Variants in PRIM2 observed in about 807,000 individuals in gnomAD.
PRIM2 encodes DNA primase large subunit.
PRIM2 carries 39 observed loss-of-function variants against 67.3 expected under a neutral mutation model. The ratio of observed to expected loss-of-function variants is 0.58; its 90% CI spans 0.45 to 0.76. PRIM2 has a LOEUF of 0.76. Ranked by LOEUF, PRIM2 falls within the 30% of genes least tolerant of loss-of-function variation. The probability of loss-of-function intolerance (pLI) is 0.00; values close to 1 mark genes in which losing one functional copy is unlikely to be tolerated. For missense variants in PRIM2, 398 were observed against 598.7 expected (o/e 0.66, Z 3.50); for synonymous variants, 143 against 198.7 (o/e 0.72, Z 2.36).
chr6:57,589,086 A>G, intron 10 of PRIM2, among the ~76,000 whole-genome samples: 1 of 152,320 alleles, frequency 6.6e-6, no homozygotes, highest in East Asian at 1.9e-4. Context: ...ACTGAGATTC[A>G]TCAGAAATAG....
intron 7 of PRIM2, among the ~76,000 whole-genome samples, chr6:57,449,826 C>A (rs1372285977): frequency 1.3e-5 from 2 of 152,032 alleles, no homozygotes; most frequent in Admixed American, 6.6e-5. Flanking sequence ...AGTGAATAGA[C>A]CATTAGGTTA....
the PRIM2 span, among the ~76,000 whole-genome samples, chr6:57,286,178 C>A: frequency 6.6e-6 from 1 of 152,154 alleles, no homozygotes; most frequent in Non-Finnish European, 1.5e-5. Flanking sequence ...AATGGCCATA[C>A]TTCCCAAAGT....
At chr6:57,264,533 A>G in the PRIM2 span, among the ~76,000 whole-genome samples, 17 of 151,438 alleles carry the variant, frequency 1.1e-4, 1 homozygote, top group South Asian at 3.5e-3. Flanking sequence ...ACTGGTAAAC[A>G]GTTGCAACCC....
chr6:57,546,694 AC>A (rs1304555615), intron 10 of PRIM2, among the ~76,000 whole-genome samples: 1 of 151,980 alleles, frequency 6.6e-6, no homozygotes, highest in African/African-American at 2.4e-5. Context: ...TTTGTAATTT[AC>A]CTTCTCAGTA....
At chr6:57,608,003 A>ATT (rs1174296652) in intron 12 of PRIM2, among the ~76,000 whole-genome samples, 1 of 145,448 alleles carries the variant, frequency 6.9e-6, no homozygotes, top group East Asian at 2.0e-4. Context: ...GACTCTTAAG[A>ATT]TTTTTTTTTT....
At chr6:57,436,675 T>G (rs1280896974) in intron 7 of PRIM2, among the ~76,000 whole-genome samples, 5 of 152,240 alleles carry the variant, frequency 3.3e-5, no homozygotes, top group Admixed American at 1.3e-4. Flanking sequence ...GTGCATTTCA[T>G]GTAAAGATTT....
intron 7 of PRIM2, among the ~76,000 whole-genome samples, chr6:57,449,698 A>G (rs2127389464): frequency 6.6e-6 from 1 of 152,330 alleles, no homozygotes; most frequent in Non-Finnish European, 1.5e-5. Context: ...GCAAAGGAGT[A>G]CTATAGATTA....
rs1449489924 is a variant in PRIM2, at chr6:57,512,559, C to T, written c.761+5105C>T. On this transcript the variant is annotated intron_variant, in intron 8 of 13. Coordinates refer to ENST00000615550, the MANE Select transcript of PRIM2 (RefSeq NM_000947.5). ...ATTTTACAGGTTGGTGATGGAGCCTCATGATGTTCTCATTAAGAAAACCTA... is the reference window on the plus strand; with the variant it reads ...ATTTTACAGGTTGGTGATGGAGCCTTATGATGTTCTCATTAAGAAAACCTA... 8.0e-4 allele frequency among the ~76,000 whole-genome samples: 122 copies of T among 152,162 alleles called. 1 individual carries two copies. The highest frequency in any genetic ancestry group is 1.5e-4 in the Non-Finnish European group (10 of 67,986).
In PRIM2 at chr6:57,602,213, C is replaced by T. The variant is rs1342166174; in HGVS notation, c.1147+994C>T. Among the ~76,000 whole-genome samples, 4 of 152,234 alleles carry T rather than the reference C, an allele frequency of 2.6e-5. No individual in the cohort carries two copies. The East Asian group carries it at 7.7e-4, about 29-fold the overall frequency. On this transcript the variant is annotated intron_variant, in intron 11 of 13. Coordinates refer to ENST00000615550, the MANE Select transcript of PRIM2 (RefSeq NM_000947.5). ...TAGCTAGGATTACAGGCACCTGCCA[C>T]CCTGCCCAGCTAATTTTTTGTATTT...
At chr6:57,452,700 A>G (rs1233578564) in intron 7 of PRIM2, among the ~76,000 whole-genome samples, 13 of 152,190 alleles carry the variant, frequency 8.5e-5, no homozygotes, top group East Asian at 7.7e-4. Context: ...TGTCAGATGA[A>G]TAGATTGCAA....
intron 10 of PRIM2, among the ~76,000 whole-genome samples, chr6:57,592,103 G>A (rs1191620847): frequency 2.0e-5 from 3 of 152,026 alleles, no homozygotes; most frequent in African/African-American, 4.8e-5. Flanking sequence ...TCACTTATAA[G>A]TGGGAGCTAA....
chr6:57,300,763 C>T, the PRIM2 span, among the ~76,000 whole-genome samples: 1 of 152,122 alleles, frequency 6.6e-6, no homozygotes, highest in African/African-American at 2.4e-5. Context: ...TGGCTCACAC[C>T]TGTAATCCCA....
At chr6:57,526,397 G>A (rs1774754094) in intron 8 of PRIM2, among the ~76,000 whole-genome samples, 1 of 152,174 alleles carries the variant, frequency 6.6e-6, no homozygotes, top group Non-Finnish European at 1.5e-5. Context: ...ATGAAAAAAA[G>A]TGATGCATAG....
intron 5 of PRIM2, among the ~76,000 whole-genome samples, chr6:57,329,161 CT>C (rs1421758143): frequency 1.3e-5 from 2 of 150,830 alleles, no homozygotes; most frequent in African/African-American, 4.9e-5. Flanking sequence ...TCTAATTTAT[CT>C]TTTTTTCTTG....
intron 7 of PRIM2, among the ~76,000 whole-genome samples, chr6:57,387,879 G>T (rs1459295314): frequency 6.6e-6 from 1 of 151,276 alleles, no homozygotes; most frequent in Non-Finnish European, 1.5e-5. Flanking sequence ...TTATATTCTA[G>T]TGGGAGACAG....
At chr6:57,384,415 A>G (rs1770063970) in intron 7 of PRIM2, among the ~76,000 whole-genome samples, 2 of 152,180 alleles carry the variant, frequency 1.3e-5, no homozygotes, top group South Asian at 4.1e-4. Context: ...TTCTAAGGAT[A>G]TCAGTCACCT....
intron 10 of PRIM2, among the ~76,000 whole-genome samples, chr6:57,563,939 G>A (rs1294928542): frequency 3.3e-5 from 5 of 152,322 alleles, no homozygotes; most frequent in Admixed American, 2.0e-4. Flanking sequence ...GATTACAGGC[G>A]TGAGCTGATG....
At chr6:57,508,855 G>C (rs1160606544) in intron 8 of PRIM2, among the ~76,000 whole-genome samples, 4 of 152,104 alleles carry the variant, frequency 2.6e-5, no homozygotes, top group Non-Finnish European at 5.9e-5. Context: ...TACTTTAAAG[G>C]ATAGTGACTC....
At chr6:57,440,945 C>T (rs1772185220) in intron 7 of PRIM2, among the ~76,000 whole-genome samples, 1 of 152,094 alleles carries the variant, frequency 6.6e-6, no homozygotes, top group South Asian at 2.1e-4. Context: ...GCTGATTTGG[C>T]ATAAACAGTA....
Sources: gnomAD v4.1 joint callset for allele counts (sites outside exome capture counted in the v4.1 genomes callset) on GRCh38, gnomAD v4.1.1 for gene constraint, MANE v1.5 for transcripts, NCBI Gene and HGNC (gene_info 2026-07-23, HGNC 2026-07-21) for gene names.